BANK1: variants seen among roughly 807,000 people sequenced by gnomAD.
BANK1 encodes the protein B-cell scaffold protein with ankyrin repeats.
BANK1 carries 95 observed loss-of-function variants against 94.5 expected under a neutral mutation model. The observed-to-expected ratio is 1.00, with a 90% CI of 0.85 to 1.19. The LOEUF (loss-of-function observed/expected upper bound fraction) is 1.19, where lower values mean the gene tolerates loss of function less well. Ranked by LOEUF, BANK1 falls within the 50% of genes most tolerant of loss-of-function variation. The pLI, the probability that BANK1 is intolerant of heterozygous loss-of-function variation, is 0.00. For missense variants in BANK1, 987 were observed against 932.2 expected (o/e 1.06, Z -0.77); for synonymous variants, 334 against 308.4 (o/e 1.08, Z -0.87).
intron 7 of BANK1, among the ~76,000 whole-genome samples, chr4:102,007,131 TATA>T (rs1479696718): frequency 0.013 from 770 of 59,106 alleles, 54 homozygotes; most frequent in Non-Finnish European, 0.019. Flanking sequence ...TTTATATATA[TATA>T]AAAAATATAT....
chr4:101,875,440 C>G lies in BANK1; in HGVS notation c.903+4796C>G, dbSNP rs1244703616. 7.9e-5 allele frequency among the ~76,000 whole-genome samples: 12 copies of G among 151,974 alleles called. 1 individual carries two copies. Among genetic ancestry groups the G allele is most frequent in the Admixed American group, 7.9e-4 (12 of 15,280 alleles). The stretch of plus-strand genomic sequence containing the variant: ...GGCGGGAGAGGCCTCAGGAAACTTA[C>G]AATCATGGTGGAAGATGAAGGGGAA... On this transcript the variant is annotated intron_variant, in intron 5 of 16. Coordinates refer to ENST00000322953, the MANE Select transcript of BANK1 (RefSeq NM_017935.5).
chr4:102,007,085 TATATATA>T (rs1726297887), intron 7 of BANK1, among the ~76,000 whole-genome samples: 2 of 110,472 alleles, frequency 1.8e-5, no homozygotes, highest in South Asian at 2.4e-4. Context: ...TATATAAATA[TATATATA>T]ATATATTTAT....
chr4:101,796,251 A>T (rs1379127875), intron 1 of BANK1, among the ~76,000 whole-genome samples: 1 of 152,000 alleles, frequency 6.6e-6, no homozygotes, highest in Non-Finnish European at 1.5e-5. Context: ...TTCTGATCTT[A>T]TTTGCCCATG....
At chr4:102,010,870 C>T (rs1256199091) in intron 7 of BANK1, among the ~76,000 whole-genome samples, 10 of 152,150 alleles carry the variant, frequency 6.6e-5, no homozygotes, top group Admixed American at 5.2e-4. Context: ...GTTTTAATTA[C>T]ATGATTCATA....
intron 10 of BANK1, among the ~76,000 whole-genome samples, chr4:102,033,712 C>G (rs1474097512): frequency 2.0e-5 from 3 of 152,168 alleles, no homozygotes; most frequent in Non-Finnish European, 4.4e-5. Context: ...ATAATTTACT[C>G]TCATTATATT....
intron 7 of BANK1, among the ~76,000 whole-genome samples, chr4:101,962,654 C>A (rs1017974467): frequency 4.6e-5 from 7 of 152,102 alleles, no homozygotes; most frequent in Non-Finnish European, 1.0e-4. Context: ...TACTTTTGAA[C>A]TGTCTTTGAT....
intron 7 of BANK1, among the ~76,000 whole-genome samples, chr4:101,977,560 A>G (rs1725178231): frequency 6.6e-6 from 1 of 152,144 alleles, no homozygotes; most frequent in South Asian, 2.1e-4. Context: ...TTTATTGGCT[A>G]TTAACTTAAT....
intron 7 of BANK1, among the ~76,000 whole-genome samples, chr4:101,968,530 A>G (rs2148922036): frequency 6.6e-6 from 1 of 152,064 alleles, no homozygotes; most frequent in East Asian, 1.9e-4. Flanking sequence ...GTGGTCTCAA[A>G]GGGAGGTGTA....
intron 7 of BANK1, among the ~76,000 whole-genome samples, chr4:101,922,609 C>T (rs539437441): frequency 6.1e-4 from 92 of 151,914 alleles, no homozygotes; most frequent in African/African-American, 2.0e-3. Flanking sequence ...AATAATTGGT[C>T]ATATTTCCTA....
At chr4:101,805,649 AAG>A (rs1191326717) in intron 1 of BANK1, among the ~76,000 whole-genome samples, 2 of 150,218 alleles carry the variant, frequency 1.3e-5, no homozygotes, top group Non-Finnish European at 3.0e-5. Flanking sequence ...ATATACAAAT[AAG>A]TTTGTATATT....
chr4:102,000,118 G>GT (rs1306864634), intron 7 of BANK1, among the ~76,000 whole-genome samples: 1 of 152,098 alleles, frequency 6.6e-6, no homozygotes, highest in Admixed American at 6.5e-5. Context: ...GAGGTCAGGA[G>GT]TTTGAGACCA....
intron 7 of BANK1, among the ~76,000 whole-genome samples, chr4:102,008,242 C>A (rs147446272): frequency 6.7e-4 from 102 of 152,226 alleles, no homozygotes; most frequent in African/African-American, 2.3e-3. Context: ...GTAGACAAAC[C>A]AACATCTCTT....
At chr4:101,801,485 G>A (rs1279733653) in intron 1 of BANK1, among the ~76,000 whole-genome samples, 2 of 152,242 alleles carry the variant, frequency 1.3e-5, no homozygotes, top group East Asian at 3.9e-4. Flanking sequence ...TCTCTCTCAT[G>A]ACATATTGTT....
chr4:101,981,772 A>G (rs1467623480), intron 7 of BANK1: 1 of 152,026 alleles, frequency 6.6e-6, no homozygotes, highest in Non-Finnish European at 1.5e-5. Context: ...TTAATACATG[A>G]TATTCAGTGA....
intron 1 of BANK1, among the ~76,000 whole-genome samples, chr4:101,799,466 G>A (rs1419633177): frequency 6.6e-6 from 1 of 152,138 alleles, no homozygotes; most frequent in Non-Finnish European, 1.5e-5. Context: ...ATACCCAAAG[G>A]ATTATAAATC....
intron 5 of BANK1, among the ~76,000 whole-genome samples, chr4:101,874,777 C>G (rs994749262): frequency 6.6e-6 from 1 of 152,158 alleles, no homozygotes; most frequent in African/African-American, 2.4e-5. Flanking sequence ...AGGCCTCTCC[C>G]TTCTTTAATG....
At chr4:102,015,021 T>G (rs1726645690) in intron 7 of BANK1, among the ~76,000 whole-genome samples, 1 of 152,124 alleles carries the variant, frequency 6.6e-6, no homozygotes, top group South Asian at 2.1e-4. Context: ...TTTCTTGTTT[T>G]CTTTTTTGCT....
At chr4:101,818,427 T>G (rs1469750731) in intron 1 of BANK1, among the ~76,000 whole-genome samples, 2 of 152,184 alleles carry the variant, frequency 1.3e-5, no homozygotes, top group Non-Finnish European at 2.9e-5. Flanking sequence ...GCTTTTGTAC[T>G]GGCAAACTAG....
chr4:101,932,081 A>G (rs1391801963), intron 7 of BANK1, among the ~76,000 whole-genome samples: 2 of 151,538 alleles, frequency 1.3e-5, no homozygotes, highest in African/African-American at 4.8e-5. Context: ...GACCTGTTTT[A>G]ATGGGTGAAA....
Sources: gnomAD v4.1 joint callset for allele counts (sites outside exome capture counted in the v4.1 genomes callset) on GRCh38, gnomAD v4.1.1 for gene constraint, MANE v1.5 for transcripts, NCBI Gene and HGNC (gene_info 2026-07-23, HGNC 2026-07-21) for gene names.